Variants in ZNF469 observed in about 807,000 individuals in gnomAD.
ZNF469 encodes zinc finger protein 469.
Under a neutral mutation model 1.0 loss-of-function variants are expected in ZNF469, and 1 was observed. The observed-to-expected ratio is 1.00, with a 90% confidence interval of 0.35 to 4.73. The LOEUF is 4.73. Ranked by LOEUF, ZNF469 falls within the 30% of genes most tolerant of loss-of-function variation. The pLI is 0.16. For missense variants in ZNF469, 6,100 were observed against 5,356.3 expected, an observed-to-expected ratio of 1.14 and a Z score of -4.33; for synonymous variants, 2,703 against 2,363.4, an observed-to-expected ratio of 1.14 and a Z score of -4.17.
chr16:88,357,582 G>T, the ZNF469 span, among the ~76,000 whole-genome samples: 3 of 152,232 alleles, frequency 2.0e-5, no homozygotes, highest in African/African-American at 7.2e-5. Flanking sequence ...TAGCAGGCAG[G>T]CGGGGGCCTG....
chr16:88,203,695 C>T, the ZNF469 span, among the ~76,000 whole-genome samples: 9 of 152,038 alleles, frequency 5.9e-5, no homozygotes, highest in African/African-American at 2.2e-4. Flanking sequence ...AGTCCCACCT[C>T]ATCCTCACAT....
intron 1 of ZNF469, among the ~76,000 whole-genome samples, chr16:88,389,137 C>A (rs1446322942): frequency 6.6e-6 from 1 of 152,010 alleles, no homozygotes; most frequent in African/African-American, 2.4e-5. Flanking sequence ...TTTATCACCC[C>A]AAAAAAAACC....
the ZNF469 span, among the ~76,000 whole-genome samples, chr16:88,286,081 C>T: frequency 2.7e-4 from 41 of 152,376 alleles, no homozygotes; most frequent in African/African-American, 8.2e-4. Flanking sequence ...GTGCCTCCAT[C>T]GTGCCCCATT....
chr16:88,355,970 C>T, the ZNF469 span, among the ~76,000 whole-genome samples: 1 of 152,154 alleles, frequency 6.6e-6, no homozygotes, highest in Non-Finnish European at 1.5e-5. Flanking sequence ...AAGCCTCCGG[C>T]CTGGCAGACG....
the ZNF469 span, among the ~76,000 whole-genome samples, chr16:88,274,056 G>T: frequency 7.2e-5 from 11 of 152,180 alleles, no homozygotes; most frequent in Non-Finnish European, 1.6e-4. Context: ...GCCTGCCTCG[G>T]CCTCCCAAAG....
the ZNF469 span, chr16:88,276,543 G>A: frequency 6.6e-6 from 1 of 152,274 alleles, no homozygotes; most frequent in African/African-American, 2.4e-5. Context: ...CCACCCTGGA[G>A]TGAACACATC....
the ZNF469 span, among the ~76,000 whole-genome samples, chr16:88,188,208 C>T: frequency 3.3e-5 from 5 of 152,184 alleles, no homozygotes; most frequent in Admixed American, 3.3e-4. Context: ...GTCCAGATCA[C>T]GTCTCACCTC....
Position 88,439,234 on chromosome 16 carries a change from C to T in ZNF469, c.11764C>T (p.His3922Tyr), listed in dbSNP as rs1351166576. Residue 3922 changes from histidine to tyrosine, a missense_variant, in exon 3 of 3, where the codon CAC becomes TAC. Coordinates refer to ENST00000565624, the MANE Select transcript of ZNF469 (RefSeq NM_001367624.2). ...HGAEPAEPHT[H>Y]RTAEAQSDLL... ...TGCTGAACCTGCCGAGCCACACACCCACCGGACGGCCGAGGCCCAGAGTGA... is the reference window on the plus strand; with the variant it reads ...TGCTGAACCTGCCGAGCCACACACCTACCGGACGGCCGAGGCCCAGAGTGA... 3 of 1,550,514 alleles carry T rather than the reference C, an allele frequency of 1.9e-6. No homozygotes were observed. Among genetic ancestry groups the T allele is most frequent in the Non-Finnish European group, 2.6e-6 (3 of 1,146,994 alleles).
the ZNF469 span, among the ~76,000 whole-genome samples, chr16:88,202,341 G>A: frequency 6.6e-6 from 1 of 152,164 alleles, no homozygotes; most frequent in African/African-American, 2.4e-5. Flanking sequence ...TTTGGCTCGG[G>A]CTCAGGACCG....
chr16:88,146,448 C>T, the ZNF469 span, among the ~76,000 whole-genome samples: 8 of 152,258 alleles, frequency 5.3e-5, no homozygotes, highest in South Asian at 4.1e-4. Context: ...CCTGTGGACC[C>T]GGGTCTCACG....
the ZNF469 span, among the ~76,000 whole-genome samples, chr16:88,272,882 A>G: frequency 6.8e-6 from 1 of 147,272 alleles, no homozygotes; most frequent in African/African-American, 2.6e-5. Context: ...GGGTGTGTGG[A>G]TAGACGAGTG....
At chr16:88,311,458 G>T in the ZNF469 span, among the ~76,000 whole-genome samples, 2 of 152,192 alleles carry the variant, frequency 1.3e-5, no homozygotes, top group African/African-American at 4.8e-5. Context: ...TTTCTGCACT[G>T]AAACATGAAT....
At chr16:88,420,709 G>T (rs1302817386) in intron 1 of ZNF469, among the ~76,000 whole-genome samples, 4 of 152,236 alleles carry the variant, frequency 2.6e-5, no homozygotes, top group Non-Finnish European at 4.4e-5. Flanking sequence ...CACTCACTGC[G>T]TGCTGGTTTG....
intron 1 of ZNF469, among the ~76,000 whole-genome samples, chr16:88,411,146 T>C (rs2142283182): frequency 6.6e-6 from 1 of 152,158 alleles, no homozygotes; most frequent in Middle Eastern, 3.4e-3. Flanking sequence ...GGTGCTGGGG[T>C]TAGGACTTGC....
intron 1 of ZNF469, among the ~76,000 whole-genome samples, chr16:88,398,710 C>T (rs958613795): frequency 6.6e-6 from 1 of 151,856 alleles, no homozygotes; most frequent in African/African-American, 2.4e-5. Flanking sequence ...ATGTGAGCCA[C>T]AAATGAAGGG....
chr16:88,322,961 A>G, the ZNF469 span, among the ~76,000 whole-genome samples: 2 of 152,184 alleles, frequency 1.3e-5, no homozygotes, highest in African/African-American at 4.8e-5. Context: ...CTCTCCCAAG[A>G]TTGGAGAACG....
At chr16:88,297,677 T>A in the ZNF469 span, among the ~76,000 whole-genome samples, 3 of 151,990 alleles carry the variant, frequency 2.0e-5, no homozygotes, top group Non-Finnish European at 2.9e-5. Context: ...ACGCACCCTC[T>A]CCTCTCTGTG....
the ZNF469 span, among the ~76,000 whole-genome samples, chr16:88,156,659 C>T: frequency 1.3e-5 from 2 of 152,238 alleles, no homozygotes; most frequent in Non-Finnish European, 2.9e-5. Context: ...ATGTCTTATC[C>T]ATGCCCTGGC....
chr16:88,325,499 G>A, the ZNF469 span, among the ~76,000 whole-genome samples: 2 of 152,384 alleles, frequency 1.3e-5, no homozygotes, highest in African/African-American at 2.4e-5. Context: ...AGTGATAGGC[G>A]TGGCCCCACC....
Sources: gnomAD v4.1 joint callset for allele counts (sites outside exome capture counted in the v4.1 genomes callset) on GRCh38, gnomAD v4.1.1 for gene constraint, MANE v1.5 for transcripts, NCBI Gene and HGNC (gene_info 2026-07-23, HGNC 2026-07-21) for gene names.